Variants in TSC2 observed in about 807,000 individuals in gnomAD.
TSC2 encodes TSC complex subunit 2.
A neutral mutation model predicts 202.2 loss-of-function variants in TSC2; 29 were observed. That is an observed-to-expected ratio of 0.14 (90% CI 0.11 to 0.20). TSC2 has a LOEUF of 0.20. TSC2 is among the 10% of genes least tolerant of loss of function. The pLI, the probability that TSC2 is intolerant of heterozygous loss-of-function variation, is 1.00. For missense variants in TSC2, 2,429 were observed against 2,420.0 expected (o/e 1.00, Z -0.08); for synonymous variants, 1,349 against 1,044.0 (o/e 1.29, Z -5.63).
Position 2,076,516 on chromosome 16 carries a change from C to G in TSC2, c.2768C>G (p.Ser923Cys), listed in dbSNP as rs587778731. ...GGCCTGCGGTCCAATGTCCTCTTGT[C>G]TTTTGATGACACCCCCGAGAAGGAC... ...TKGLRSNVLLSFDDTPEKDSF... is the reference protein window; with the variant it reads ...TKGLRSNVLLCFDDTPEKDSF... The change falls in exon 25 of 42, where the codon TCT becomes TGT. Residue 923 changes from serine to cysteine, a missense_variant. Physicochemically the swap from Ser to Cys is moderately radical, Grantham distance 112. Coordinates refer to ENST00000219476, the MANE Select transcript of TSC2 (RefSeq NM_000548.5). 4.3e-6 allele frequency: 7 copies of G among 1,613,544 alleles called. No homozygotes were observed. In the South Asian group the frequency reaches 7.7e-5, roughly 18 times the overall value.
rs876659207 is a variant in TSC2, at chr16:2,081,674, G to A, written c.3690G>A (p.Glu1230=). ...SSDINNMPLQ[E]LSNALMAAER... ...ACATCAACAACATGCCCCTGCAGGA[G>A]CTGTCTAACGCCCTCATGGCGGCTG... Residue 1230 remains glutamate, a synonymous_variant, in exon 31 of 42, where the codon GAG becomes GAA. Coordinates refer to ENST00000219476, the MANE Select transcript of TSC2 (RefSeq NM_000548.5). The A allele has an allele frequency of 5.6e-6, 9 of 1,612,890 alleles. No homozygotes were observed. The highest frequency in any genetic ancestry group is 1.1e-5 in the South Asian group (1 of 91,096).
chr16:2,056,339 G>A (rs2085812090), intron 7 of TSC2, 95 bp downstream of exon 7: 7 of 1,541,208 alleles, frequency 4.5e-6, no homozygotes, highest in African/African-American at 2.7e-5. Flanking sequence ...CCTGCTGGCT[G>A]TGTAGCCCTG....
chr16:2,065,579 T>A lies in TSC2; in HGVS notation c.1660T>A (p.Ser554Thr), dbSNP rs1596317415. ...GGAAGAAAGGGATGTGGCCGCATAC[T>A]CGGCCTCCTTGGAGGATGTGAAGAC... ...ELEERDVAAYSASLEDVKTAV... is the reference protein window; with the variant it reads ...ELEERDVAAYTASLEDVKTAV... Residue 554 changes from serine to threonine, a missense_variant, in exon 16 of 42, where the codon TCG becomes ACG. Ser to Thr is a moderately conservative substitution (Grantham distance 58). Coordinates refer to ENST00000219476, the MANE Select transcript of TSC2 (RefSeq NM_000548.5). 6.2e-7 allele frequency: 1 copy of A among 1,613,860 alleles called. No individual in the cohort carries two copies.
chr16:2,088,877 G>A lies in TSC2; in HGVS notation c.*267G>A, dbSNP rs542301182. ...CCATACAGCACACTCGCGCGTGCGC[G>A]CGCGCACACACACACACACACAGTC... On this transcript the variant is annotated 3_prime_UTR_variant, in exon 42 of 42. Transcript: ENST00000219476. 73 of 482,112 alleles carry A rather than the reference G, an allele frequency of 1.5e-4. 1 individual carries two copies. The highest frequency in any genetic ancestry group is 9.0e-4 in the African/African-American group (31 of 34,534). 29.9% of individuals were successfully genotyped at this position (482,112 alleles called of 1,614,324 possible). A position where few individuals can be genotyped will look rare whatever the true frequency, so the allele number is the denominator to read the frequency against.
chr16:2,054,158 T>C, intron 4 of TSC2, 138 bp from the exon 5 acceptor site: 1 of 1,362,344 alleles, frequency 7.3e-7, no homozygotes, highest in Non-Finnish European at 1.0e-6. Flanking sequence ...GCTGCAGACC[T>C]GTCTCTTGCA....
chr16:2,083,886 G>T (rs2090444501), intron 33 of TSC2, 70 bp downstream of exon 33: 2 of 1,551,856 alleles, frequency 1.3e-6, no homozygotes, highest in Non-Finnish European at 1.7e-6. Flanking sequence ...GGCTCTGCGT[G>T]GGTGTGCCTG....
intron 31 of TSC2, 174 bp from the exon 32 acceptor site, chr16:2,082,262 G>C (rs927596903): frequency 1.4e-6 from 1 of 711,192 alleles, no homozygotes; most frequent in African/African-American, 1.8e-5. Context: ...GGGAGGCACT[G>C]CCCTCCTCAG....
chr16:2,048,298 G>C (rs2084613261), intron 1 of TSC2: 1 of 1,097,624 alleles, frequency 9.1e-7, no homozygotes, highest in Non-Finnish European at 1.4e-6. Flanking sequence ...GCAAACGTCG[G>C]GGCTCCCAGG....
intron 3 of TSC2, among the ~76,000 whole-genome samples, chr16:2,052,557 C>T (rs1171012197): frequency 6.6e-6 from 1 of 152,096 alleles, no homozygotes; most frequent in African/African-American, 2.4e-5. Context: ...TGACCCTCTC[C>T]CCTCTGCCAC....
rs751873212 is a variant in TSC2 at position 2,085,289 on chromosome 16, C to T, written c.4629C>T (p.His1543=). 6.2e-7 allele frequency: 1 copy of T among 1,612,764 alleles called. No homozygotes were observed. Among genetic ancestry groups the T allele is most frequent in the East Asian group, 2.2e-5 (1 of 44,886 alleles). The stretch of plus-strand genomic sequence containing the variant: ...ACCAGATCCCATCATACGACACCCA[C>T]AAGATCGCCGTCCTGTATGTTGGAG... The part of the protein sequence containing the change: ...LLDQIPSYDT[H]KIAVLYVGEG... The change falls in exon 36 of 42, where the codon CAC becomes CAT. Residue 1543 remains histidine (H), a synonymous_variant. Transcript: ENST00000219476.
At chr16:2,072,827 C>A (rs2088677452) in intron 20 of TSC2, 22 bp from the exon 21 acceptor site, 1 of 1,613,216 alleles carries the variant, frequency 6.2e-7, no homozygotes, top group Non-Finnish European at 8.5e-7. Context: ...GGAGAGGTTT[C>A]ATGCCTGGAT....
Position 2,077,700 on chromosome 16 carries a change from C to T in TSC2, c.2940C>T (p.Ile980=), listed in dbSNP as rs2151416105. 6.2e-7 allele frequency: 1 copy of T among 1,613,012 alleles called. No individual in the cohort carries two copies. Among genetic ancestry groups the T allele is most frequent in the Non-Finnish European group, 8.5e-7 (1 of 1,180,032 alleles). The part of the protein sequence containing the change: ...SAAEAFRCRS[I]SVSEHVVRSR... ...CCGAGGCCTTCCGGTGCCGCAGCATCAGTGTGTCTGAACATGTGGTCCGCA... is the reference window on the plus strand; with the variant it reads ...CCGAGGCCTTCCGGTGCCGCAGCATTAGTGTGTCTGAACATGTGGTCCGCA... Residue 980 remains isoleucine, a synonymous_variant, in exon 26 of 42, where the codon ATC becomes ATT. Coordinates refer to ENST00000219476, the MANE Select transcript of TSC2 (RefSeq NM_000548.5).
chr16:2,050,922 G>A (rs72766651), intron 3 of TSC2, among the ~76,000 whole-genome samples: 1,814 of 152,182 alleles, frequency 0.012, 22 homozygotes, highest in South Asian at 0.02. Context: ...AGCTTTCATC[G>A]TAGTGATGGG....
At chr16:2,083,158 C>T (rs2151501566) in intron 32 of TSC2, 1 of 457,164 alleles carries the variant, frequency 2.2e-6, no homozygotes, top group Non-Finnish European at 4.4e-6. Context: ...TACTTCCTCT[C>T]CCCCTGTCCT....
chr16:2,050,357 G>C lies in TSC2; in HGVS notation c.139-43G>C, dbSNP rs764277159. 110 of 1,584,398 alleles carry C rather than the reference G, an allele frequency of 6.9e-5. 3 individuals carry two copies. The highest frequency in any genetic ancestry group is 5.6e-5 in the Non-Finnish European group (65 of 1,153,528). On this transcript the variant is annotated intron_variant, in intron 2 of 41. Coordinates refer to ENST00000219476, the MANE Select transcript of TSC2 (RefSeq NM_000548.5). ...TGTGACTTGCAGTTAAGGAGACCGT[G>C]GCCTGAGCACTGGCCCCTTTTTCTT...
chr16:2,072,141 C>G, intron 19 of TSC2, 100 bp from the exon 20 acceptor site: 1 of 1,595,476 alleles, frequency 6.3e-7, no homozygotes, highest in South Asian at 1.1e-5. Flanking sequence ...CTCCATAGCC[C>G]TTGACGCTGT....
At position 2,079,308 on chromosome 16, in the gene TSC2, G is replaced by A. The variant is rs1443030830; in HGVS notation, c.3164G>A (p.Gly1055Asp). 2 of 1,613,066 alleles carry A rather than the reference G, an allele frequency of 1.2e-6. No homozygotes were observed. Among genetic ancestry groups the A allele is most frequent in the Non-Finnish European group, 1.7e-6 (2 of 1,180,040 alleles). Residue 1055 changes from glycine (G) to aspartate (D), a missense_variant, in exon 28 of 42, where the codon GGC becomes GAC. Physicochemically the swap from Gly to Asp is moderately conservative, Grantham distance 94. Coordinates refer to ENST00000219476, the MANE Select transcript of TSC2 (RefSeq NM_000548.5). The surrounding 1 kb of genome is among the most constrained non-coding windows in gnomAD (Gnocchi z 4.6). ...SPVGEFLLAGGRTKTWLVGNK... is the reference protein window; with the variant it reads ...SPVGEFLLAGDRTKTWLVGNK... Reference sequence around the variant, plus strand: ...GTGGGCGAGTTCCTCCTAGCGGGTGGCAGGACCAAAACCTGGCTGGTTGGG... The same window carrying A: ...GTGGGCGAGTTCCTCCTAGCGGGTGACAGGACCAAAACCTGGCTGGTTGGG...
At chr16:2,076,729 A>C in intron 25 of TSC2, 144 bp downstream of exon 25, 1 of 838,930 alleles carries the variant, frequency 1.2e-6, no homozygotes, top group Non-Finnish European at 1.9e-6. Flanking sequence ...AGGACCTGCA[A>C]GGGCCGCTAA....
rs137854168 is a variant in TSC2, at chr16:2,071,818, G to C, written c.1981G>C (p.Gly661Arg). The part of the protein sequence containing the change: ...PERGSEKKTS[G>R]PLSPPTGPPG... ...GAGAGGCTCTGAGAAGAAGACCAGCGGCCCCCTTTCTCCTCCCACAGGGCC... is the reference window on the plus strand; with the variant it reads ...GAGAGGCTCTGAGAAGAAGACCAGCCGCCCCCTTTCTCCTCCCACAGGGCC... The change falls in exon 19 of 42, where the codon GGC (glycine) becomes CGC (arginine). Residue 661 changes from glycine to arginine, a missense_variant. By Grantham distance (125) the Gly-to-Arg change is moderately radical (BLOSUM62 -2). Transcript: ENST00000219476. The C allele has an allele frequency of 6.2e-7, 1 of 1,601,180 alleles. No individual in the cohort carries two copies. Among genetic ancestry groups the C allele is most frequent in the East Asian group, 2.3e-5 (1 of 44,306 alleles).
Sources: allele counts gnomAD v4.1 joint callset (sites outside exome capture counted in the v4.1 genomes callset), GRCh38; gene constraint gnomAD v4.1.1; non-coding constraint Gnocchi (gnomAD v3.1); transcripts MANE v1.5; gene names NCBI Gene and HGNC (gene_info 2026-07-23, HGNC 2026-07-21).